NPTN: variants seen among roughly 807,000 people sequenced by gnomAD.
NPTN encodes SDR-1.
A neutral mutation model predicts 42.7 loss-of-function variants in NPTN; 5 were observed. The observed-to-expected ratio is 0.12, with a 90% CI of 0.06 to 0.25. NPTN has a LOEUF of 0.25. NPTN is among the 10% of genes least tolerant of loss of function. The pLI, the probability that NPTN is intolerant of heterozygous loss-of-function variation, is 1.00. For synonymous variants in NPTN, 180 were observed against 201.9 expected, an observed-to-expected ratio of 0.89 and a Z score of 0.92; for missense variants, 307 against 525.4, an observed-to-expected ratio of 0.58 and a Z score of 4.06.
At chr15:73,595,785 A>T (rs1896809900) in intron 2 of NPTN, among the ~76,000 whole-genome samples, 1 of 152,204 alleles carries the variant, frequency 6.6e-6, no homozygotes, top group South Asian at 2.1e-4. Context: ...CTTCTTGGCC[A>T]GGAACGTTGG....
At chr15:73,580,441 A>AAT (rs201553060) in intron 4 of NPTN, among the ~76,000 whole-genome samples, 53,014 of 113,660 alleles carry the variant, frequency 0.47, 11,694 homozygotes, top group Admixed American at 0.5. Flanking sequence ...TAATATATAT[A>AAT]ATATATATGT....
intron 4 of NPTN, among the ~76,000 whole-genome samples, chr15:73,582,987 T>A (rs908991270): frequency 2.6e-5 from 4 of 152,184 alleles, no homozygotes; most frequent in African/African-American, 7.2e-5. Flanking sequence ...TGGGACCTTG[T>A]GACCATGTAA....
chr15:73,574,531 A>G (rs1895582454), intron 4 of NPTN, among the ~76,000 whole-genome samples: 1 of 152,082 alleles, frequency 6.6e-6, no homozygotes, highest in South Asian at 2.1e-4. Context: ...AGTGATCCTC[A>G]GCTCCCGAGT....
intron 1 of NPTN, among the ~76,000 whole-genome samples, chr15:73,600,000 G>C (rs1045422325): frequency 6.6e-6 from 1 of 152,194 alleles, no homozygotes; most frequent in Admixed American, 6.5e-5. Context: ...AAAGATGCCT[G>C]AAAGTATCCT....
chr15:73,586,958 T>C (rs896808667), intron 4 of NPTN, among the ~76,000 whole-genome samples: 2 of 152,344 alleles, frequency 1.3e-5, no homozygotes, highest in Admixed American at 6.5e-5. Context: ...CCAACTTTTA[T>C]AGTTCTGTTT....
chr15:73,578,073 C>T (rs1169492918), intron 4 of NPTN, among the ~76,000 whole-genome samples: 1 of 152,016 alleles, frequency 6.6e-6, no homozygotes, highest in East Asian at 1.9e-4. Flanking sequence ...GTACAAGGAA[C>T]AGCAAAGAGG....
chr15:73,564,661 T>C (rs1894875377), intron 6 of NPTN, among the ~76,000 whole-genome samples: 1 of 152,030 alleles, frequency 6.6e-6, no homozygotes, highest in Non-Finnish European at 1.5e-5. Flanking sequence ...AGTGGAGAGA[T>C]ACAAAGACAT....
At chr15:73,613,060 T>A (rs1210223960) in intron 1 of NPTN, among the ~76,000 whole-genome samples, 1 of 152,216 alleles carries the variant, frequency 6.6e-6, no homozygotes, top group Non-Finnish European at 1.5e-5. Context: ...TTACTCAACT[T>A]ACAGGGAACC....
intron 6 of NPTN, chr15:73,567,001 G>A (rs1337254293): frequency 5.8e-6 from 5 of 856,860 alleles, no homozygotes; most frequent in African/African-American, 2.5e-5. Context: ...AAGACATGGG[G>A]CTTTTTTTTT....
intron 4 of NPTN, among the ~76,000 whole-genome samples, chr15:73,574,429 A>G (rs1182247663): frequency 6.6e-6 from 1 of 152,104 alleles, no homozygotes; most frequent in Admixed American, 6.5e-5. Flanking sequence ...TTTTAATTGA[A>G]TGACTGATTG....
chr15:73,606,416 C>T (rs1054326894), intron 1 of NPTN, among the ~76,000 whole-genome samples: 1 of 152,174 alleles, frequency 6.6e-6, no homozygotes, highest in South Asian at 2.1e-4. Flanking sequence ...GCTGCTGGTC[C>T]CTAAGAGAAA....
intron 1 of NPTN, among the ~76,000 whole-genome samples, chr15:73,609,618 G>A (rs566640052): frequency 2.0e-4 from 30 of 152,066 alleles, no homozygotes; most frequent in Non-Finnish European, 3.2e-4. Context: ...GTGACAGAGC[G>A]AAACTCCGTC....
Position 73,580,181 on chromosome 15 carries a change from G to A in NPTN, c.707-6386C>T, listed in dbSNP as rs532092526. Among the ~76,000 whole-genome samples, 356 of 151,352 alleles carry A rather than the reference G, an allele frequency of 2.4e-3. 1 individual carries two copies. The highest frequency in any genetic ancestry group is 3.9e-3 in the Non-Finnish European group (265 of 67,914). On this transcript the variant is annotated intron_variant, in intron 4 of 8. Coordinates refer to ENST00000345330, the MANE Select transcript of NPTN (RefSeq NM_012428.4). Reference sequence around the variant, plus strand: ...TGCTTTTTGTACTTTAACATACTGAGGGGAAAATAAACTAGAATAGAGTCC... The same window carrying A: ...TGCTTTTTGTACTTTAACATACTGAAGGGAAAATAAACTAGAATAGAGTCC...
chr15:73,613,664 G>A (rs115140372), intron 1 of NPTN, among the ~76,000 whole-genome samples: 2,382 of 152,136 alleles, frequency 0.016, 87 homozygotes, highest in African/African-American at 0.054. Flanking sequence ...TGAATACGAA[G>A]CTACGCGGTA....
At chr15:73,606,012 G>C (rs796214491) in intron 1 of NPTN, among the ~76,000 whole-genome samples, 5 of 150,446 alleles carry the variant, frequency 3.3e-5, no homozygotes, top group African/African-American at 1.2e-4. Context: ...CAGTGAGCCA[G>C]GATCACACCA....
chr15:73,607,025 T>C (rs1297116235), intron 1 of NPTN, among the ~76,000 whole-genome samples: 2 of 152,144 alleles, frequency 1.3e-5, no homozygotes, highest in Admixed American at 1.3e-4. Flanking sequence ...ATGTTTAGGT[T>C]GGCTTAGCCA....
At chr15:73,592,848 G>A (rs1341400785) in intron 2 of NPTN, among the ~76,000 whole-genome samples, 1 of 152,166 alleles carries the variant, frequency 6.6e-6, no homozygotes. Context: ...TAACTAGAGT[G>A]CAATATTGTG....
chr15:73,604,723 T>G (rs1004911015), intron 1 of NPTN, among the ~76,000 whole-genome samples: 14 of 152,198 alleles, frequency 9.2e-5, no homozygotes, highest in Non-Finnish European at 1.8e-4. Flanking sequence ...CTTCATAAGG[T>G]CATGGCAAGA....
At chr15:73,628,090 A>T (rs1898524501) in intron 1 of NPTN, among the ~76,000 whole-genome samples, 1 of 152,240 alleles carries the variant, frequency 6.6e-6, no homozygotes, top group East Asian at 1.9e-4. Flanking sequence ...ATTATGAACA[A>T]CATTTTAAAA....
Sources: gnomAD v4.1 joint callset for allele counts (sites outside exome capture counted in the v4.1 genomes callset) on GRCh38, gnomAD v4.1.1 for gene constraint, MANE v1.5 for transcripts, NCBI Gene and HGNC (gene_info 2026-07-23, HGNC 2026-07-21) for gene names.